Variants in ESCO1 observed in about 807,000 individuals in gnomAD.
ESCO1 encodes the protein N-acetyltransferase ESCO1.
ESCO1 carries 33 observed loss-of-function variants against 83.5 expected under a neutral mutation model. The observed-to-expected ratio is 0.40, with a 90% confidence interval of 0.30 to 0.53. The LOEUF is 0.53. Ranked by LOEUF, ESCO1 falls within the 20% of genes least tolerant of loss-of-function variation. The pLI is 0.63. For missense variants in ESCO1, 855 were observed against 968.0 expected (o/e 0.88, Z 1.55); for synonymous variants, 332 against 324.3 (o/e 1.02, Z -0.25).
At chr18:21,584,812 C>A (rs1399411240) in intron 1 of ESCO1, among the ~76,000 whole-genome samples, 1 of 151,956 alleles carries the variant, frequency 6.6e-6, no homozygotes, top group South Asian at 2.1e-4. Flanking sequence ...CACAGTGACA[C>A]CCCCATCTCA....
intron 3 of ESCO1, 46 bp from the exon 4 acceptor site, chr18:21,575,476 A>G (rs1207123599): frequency 5.0e-6 from 2 of 398,234 alleles, no homozygotes; most frequent in Non-Finnish European, 8.9e-6. Context: ...AATCCATGAA[A>G]TATGTCAATG....
chr18:21,558,736 A>G (rs1348298647), intron 8 of ESCO1, among the ~76,000 whole-genome samples: 1 of 151,970 alleles, frequency 6.6e-6, no homozygotes, highest in African/African-American at 2.4e-5. Context: ...CAAAAAAAAA[A>G]AAAAAAAAAA....
chr18:21,599,216 A>C (rs1043236918), intron 1 of ESCO1, among the ~76,000 whole-genome samples: 9 of 152,172 alleles, frequency 5.9e-5, no homozygotes, highest in Non-Finnish European at 1.0e-4. Flanking sequence ...GGACGCCTGT[A>C]GTCTCAGCCA....
At chr18:21,579,275 T>A (rs534394096) in intron 2 of ESCO1, among the ~76,000 whole-genome samples, 1 of 151,892 alleles carries the variant, frequency 6.6e-6, no homozygotes, top group East Asian at 2.0e-4. Context: ...ATTATAGGCA[T>A]GAGCCACTGC....
intron 2 of ESCO1, among the ~76,000 whole-genome samples, chr18:21,577,729 G>C (rs998572295): frequency 6.6e-6 from 1 of 151,268 alleles, no homozygotes; most frequent in Admixed American, 6.6e-5. Flanking sequence ...CAGAAGACTA[G>C]AGGTATAAAT....
rs149661952 is a variant in ESCO1 at position 21,588,177 on chromosome 18, G to A, written c.-824-3737C>T. Among the ~76,000 whole-genome samples, 732 of 150,990 alleles carry A rather than the reference G, an allele frequency of 4.8e-3. 7 individuals carry two copies. Among genetic ancestry groups the A allele is most frequent in the African/African-American group, 0.017 (681 of 41,174 alleles). ...ATATCAAGATTTACTATAAAACCAC[G>A]TTAATGTGTGATATTGTTTCAAGGA... On this transcript the variant is annotated intron_variant, in intron 1 of 11. Coordinates refer to ENST00000269214, the MANE Select transcript of ESCO1 (RefSeq NM_052911.3).
intron 5 of ESCO1, among the ~76,000 whole-genome samples, 178 bp from the exon 6 acceptor site, chr18:21,566,384 G>C (rs1347595015): frequency 1.3e-5 from 2 of 152,186 alleles, no homozygotes; most frequent in South Asian, 2.1e-4. Context: ...TCAGACAAAA[G>C]GCAGAAAGGC....
At position 21,560,959 on chromosome 18, in the gene ESCO1, G is replaced by A. The variant is rs2146198061; in HGVS notation, c.1853C>T (p.Ser618Phe). 6.3e-7 allele frequency: 1 copy of A among 1,596,670 alleles called. No homozygotes were observed. Residue 618 changes from serine (S) to phenylalanine (F), a missense_variant, in exon 8 of 12, where the codon TCT (serine) becomes TTT (phenylalanine). Coordinates refer to ENST00000269214, the MANE Select transcript of ESCO1 (RefSeq NM_052911.3). ...DAGQKRFGAVSCNVCGMLYTA... is the reference protein window; with the variant it reads ...DAGQKRFGAVFCNVCGMLYTA... ...ATACAGCATTCCACAAACATTACAA[G>A]AAACTGCTCCAAATCTTTTTTGTCC... is the stretch of plus-strand genomic sequence containing the variant.
At chr18:21,568,242 C>A (rs1033426413) in intron 4 of ESCO1, 148 bp from the exon 5 acceptor site, 1 of 614,272 alleles carries the variant, frequency 1.6e-6, no homozygotes, top group Non-Finnish European at 2.9e-6. Context: ...GATCTTGCTA[C>A]AAGCTACCCT....
At chr18:21,582,074 A>AC (rs1422922759) in intron 2 of ESCO1, among the ~76,000 whole-genome samples, 13 of 152,014 alleles carry the variant, frequency 8.6e-5, no homozygotes, top group African/African-American at 3.1e-4. Context: ...GGCGACAGAG[A>AC]CCCCATCTCC....
intron 1 of ESCO1, chr18:21,593,444 G>A (rs1009880089): frequency 1.3e-5 from 2 of 153,760 alleles, no homozygotes; most frequent in African/African-American, 4.8e-5. Flanking sequence ...ACGAAAACCA[G>A]TCAGGCGTGG....
intron 8 of ESCO1, among the ~76,000 whole-genome samples, chr18:21,540,935 A>G (rs1021355648): frequency 2.8e-4 from 42 of 152,288 alleles, no homozygotes; most frequent in African/African-American, 1.0e-3. Context: ...TTCTAAGAAC[A>G]CAAAAAGCTC....
intron 8 of ESCO1, among the ~76,000 whole-genome samples, chr18:21,552,025 T>C (rs1238084567): frequency 6.6e-6 from 1 of 152,184 alleles, no homozygotes; most frequent in Non-Finnish European, 1.5e-5. Context: ...ATAGGAAGAC[T>C]CAATATTGTC....
chr18:21,545,729 G>A (rs769515141), intron 8 of ESCO1, among the ~76,000 whole-genome samples: 2 of 151,974 alleles, frequency 1.3e-5, no homozygotes, highest in Non-Finnish European at 2.9e-5. Flanking sequence ...AGGAGTTCGA[G>A]ACCAGCCTGG....
intron 10 of ESCO1, among the ~76,000 whole-genome samples, chr18:21,535,512 A>G (rs2037825203): frequency 6.6e-6 from 1 of 151,736 alleles, no homozygotes; most frequent in South Asian, 2.1e-4. Context: ...CCTCCCCAAT[A>G]GCTGGGACTA....
intron 8 of ESCO1, among the ~76,000 whole-genome samples, chr18:21,553,743 G>A (rs564205442): frequency 1.3e-5 from 2 of 151,810 alleles, no homozygotes; most frequent in South Asian, 2.1e-4. Flanking sequence ...GGCAATCCCA[G>A]CTACTCGGGA....
chr18:21,598,976 G>A (rs2038802321), intron 1 of ESCO1, among the ~76,000 whole-genome samples: 1 of 151,552 alleles, frequency 6.6e-6, no homozygotes, highest in Non-Finnish European at 1.5e-5. Flanking sequence ...TCCAAATTAA[G>A]CACGTTTTAA....
intron 1 of ESCO1, among the ~76,000 whole-genome samples, chr18:21,598,675 C>A (rs1479951760): frequency 2.0e-5 from 3 of 152,002 alleles, no homozygotes; most frequent in African/African-American, 7.2e-5. Flanking sequence ...GCCCTCCAGC[C>A]CGGACGACAG....
At chr18:21,531,757 G>A (rs1801089998) in intron 11 of ESCO1, among the ~76,000 whole-genome samples, 1 of 151,910 alleles carries the variant, frequency 6.6e-6, no homozygotes, top group Admixed American at 6.6e-5. Flanking sequence ...AGTTCGAGAG[G>A]TGGTGGGTGC....
Sources: gnomAD v4.1 joint callset for allele counts (sites outside exome capture counted in the v4.1 genomes callset) on GRCh38, gnomAD v4.1.1 for gene constraint, MANE v1.5 for transcripts, NCBI Gene and HGNC (gene_info 2026-07-23, HGNC 2026-07-21) for gene names.